The following MCF2L variants were observed in gnomAD, a reference collection of about 807,000 sequenced individuals.
MCF2L encodes guanine nucleotide exchange factor DBS.
In MCF2L, 97 loss-of-function variants were observed where a neutral mutation model predicts 153.4. That is an observed-to-expected ratio of 0.63 (90% CI 0.54 to 0.75). The LOEUF is 0.75. Ranked by LOEUF, MCF2L falls within the 30% of genes least tolerant of loss-of-function variation. The pLI, the probability that MCF2L is intolerant of heterozygous loss-of-function variation, is 0.00. For synonymous variants in MCF2L, 659 were observed against 632.2 expected (o/e 1.04, Z -0.64); for missense variants, 1,347 against 1,495.2 (o/e 0.90, Z 1.64).
chr13:113,094,425 G>T (rs2035475150), intron 26 of MCF2L, 89 bp from the exon 27 acceptor site: 1 of 1,394,222 alleles, frequency 7.2e-7, no homozygotes, highest in Non-Finnish European at 9.7e-7. Flanking sequence ...ATTTCAGGGG[G>T]TCTGTGGGAC....
At chr13:113,011,787 T>C (rs9549338) in intron 1 of MCF2L, among the ~76,000 whole-genome samples, 6,738 of 46,938 alleles carry the variant, frequency 0.14, 68 homozygotes, top group South Asian at 0.26. Flanking sequence ...CGGTGGACAC[T>C]GTGATGCGGA....
intron 1 of MCF2L, among the ~76,000 whole-genome samples, chr13:112,975,871 G>A (rs958212427): frequency 2.6e-5 from 4 of 152,148 alleles, no homozygotes; most frequent in East Asian, 1.9e-4. Context: ...CAGAGAGCTC[G>A]AGCCCGGGCT....
rs2033297193 is a variant in MCF2L at position 113,074,903 on chromosome 13, C to T, written c.1117-95C>T. On this transcript the variant is annotated intron_variant, in intron 10 of 29. Transcript: ENST00000535094. The surrounding 1 kb of genome is among the most constrained non-coding windows in gnomAD (Gnocchi z 4.2). ...AGCAGTAAACAAAGAAATCAAGACA[C>T]ACGTGTGCCCCGGGACACACATCCC... The T allele has an allele frequency of 9.0e-7, 1 of 1,113,862 alleles. No individual in the cohort carries two copies. The highest frequency in any genetic ancestry group is 1.5e-5 in the African/African-American group (1 of 64,640). The allele number at this position is 1,113,862 out of a possible 1,614,324, so 69.0% of individuals were successfully genotyped here. A position where few individuals can be genotyped will look rare whatever the true frequency, so the allele number is the denominator to read the frequency against.
chr13:112,966,333 G>C (rs1286036320), upstream of MCF2L, among the ~76,000 whole-genome samples: 1 of 152,218 alleles, frequency 6.6e-6, no homozygotes, highest in Non-Finnish European at 1.5e-5. This position sits in a 1 kb window ranked among gnomAD's most constrained non-coding sequence, Gnocchi z 4.1. Context: ...CTGGGGACTG[G>C]GGAGAGTTGG....
rs117853942 is a variant in MCF2L at position 113,096,537 on chromosome 13, T to C, written c.3189-13T>C. Reference sequence around the variant, plus strand: ...CCCCGCACGTGGCTGCCGCTGACCCTCGCCCCTTGCAGGTACGTCAGGGAC... The same window carrying C: ...CCCCGCACGTGGCTGCCGCTGACCCCCGCCCCTTGCAGGTACGTCAGGGAC... On this transcript the variant is annotated splice_polypyrimidine_tract_variant and intron_variant, in intron 28 of 29. Transcript: ENST00000535094. 4.8e-3 allele frequency: 7,646 copies of C among 1,597,324 alleles called. 114 individuals are homozygous for C. The highest frequency in any genetic ancestry group is 0.039 in the East Asian group (1,720 of 44,170).
intron 2 of MCF2L, among the ~76,000 whole-genome samples, chr13:112,936,500 G>A (rs558329667): frequency 6.6e-6 from 1 of 152,132 alleles, no homozygotes; most frequent in Non-Finnish European, 1.5e-5. Context: ...TCTAATGCTG[G>A]TTATTTGGGA....
chr13:113,078,419 C>T lies in MCF2L; in HGVS notation c.1717C>T (p.Pro573Ser). ...CGAGGGCGGTGCGCTCCGGAGAGGG[C>T]CCTACCGGAGGGCCAAGGTGAGGCT... Reference protein sequence around the residue: ...SSEGGALRRGPYRRAKSEMSE... With the variant: ...SSEGGALRRGSYRRAKSEMSE... Residue 573 changes from proline (P) to serine (S), a missense_variant, in exon 14 of 30, where the codon CCC becomes TCC. This residue lies in a region of MCF2L where 820 missense variants were observed against 921.2 expected (regional missense o/e 0.89). Transcript: ENST00000535094. The T allele has an allele frequency of 6.2e-7, 1 of 1,612,078 alleles. No individual in the cohort carries two copies. The highest frequency in any genetic ancestry group is 8.5e-7 in the Non-Finnish European group (1 of 1,179,494).
intron 15 of MCF2L, among the ~76,000 whole-genome samples, chr13:113,079,809 ATGT>A (rs879804581): frequency 0.65 from 24,420 of 37,692 alleles, 7,471 homozygotes; most frequent in Admixed American, 0.68. Context: ...AGGCAGAGGA[ATGT>A]CTGAATGGAG....
At chr13:112,958,750 C>A (rs1279443512) in intron 2 of MCF2L, among the ~76,000 whole-genome samples, 5 of 152,200 alleles carry the variant, frequency 3.3e-5, no homozygotes, top group Non-Finnish European at 7.3e-5. Flanking sequence ...CCTGGAATGC[C>A]CCCAGCCCTG....
At chr13:112,962,987 A>C (rs2081850879) in intron 2 of MCF2L, among the ~76,000 whole-genome samples, 2 of 152,132 alleles carry the variant, frequency 1.3e-5, no homozygotes, top group African/African-American at 2.4e-5. Context: ...TGAGCAGCTA[A>C]AAGGTGTTTG....
rs371430290 is a variant in MCF2L at position 113,014,791 on chromosome 13, G to A, written c.108G>A (p.Pro36=). ...TDEIMHQDIV[P]LCAADIQDQL... is the part of the protein sequence containing the mutation. Reference sequence around the variant, plus strand: ...AAATCATGCACCAGGACATCGTCCCGCTCTGTGCTGCCGACATCCAGGACC... The same window carrying A: ...AAATCATGCACCAGGACATCGTCCCACTCTGTGCTGCCGACATCCAGGACC... The change falls in exon 2 of 30, where the codon CCG becomes CCA. Residue 36 remains proline (P), a synonymous_variant. Coordinates refer to ENST00000535094, the MANE Select transcript of MCF2L (RefSeq NM_001112732.3). 22 of 1,613,888 alleles carry A rather than the reference G, an allele frequency of 1.4e-5. No homozygotes were observed. The highest frequency in any genetic ancestry group is 4.0e-5 in the African/African-American group (3 of 74,934).
chr13:113,096,130 C>T (rs1417220904), intron 27 of MCF2L: 2 of 585,204 alleles, frequency 3.4e-6, no homozygotes, highest in Non-Finnish European at 3.0e-6. Context: ...TGGAGACCAG[C>T]GTGAGGGGCT....
intron 1 of MCF2L, among the ~76,000 whole-genome samples, chr13:113,004,042 G>A (rs537255321): frequency 5.3e-5 from 8 of 152,314 alleles, no homozygotes; most frequent in African/African-American, 1.9e-4. Flanking sequence ...TATGACGACT[G>A]TTCTCATTCT....
rs574185155 is a variant in MCF2L at position 112,979,253 on chromosome 13, A to G, written c.79+9795A>G. Reference sequence around the variant, plus strand: ...CTGGAAGGTGTTTTTGGCTTGCTCCATAAGGCAAGGAGGTCCAGCCCACGC... The same window carrying G: ...CTGGAAGGTGTTTTTGGCTTGCTCCGTAAGGCAAGGAGGTCCAGCCCACGC... On this transcript the variant is annotated intron_variant, in intron 1 of 29. Coordinates refer to ENST00000535094, the MANE Select transcript of MCF2L (RefSeq NM_001112732.3). 3,082 of 983,682 alleles carry G rather than the reference A, an allele frequency of 3.1e-3. 8 individuals are homozygous for G. Among genetic ancestry groups the G allele is most frequent in the Non-Finnish European group, 3.5e-3 (2,872 of 817,950 alleles). The allele number at this position is 983,682 out of a possible 1,614,324, so 60.9% of individuals were successfully genotyped here. A position where few individuals can be genotyped will look rare whatever the true frequency, so the allele number is the denominator to read the frequency against.
At chr13:113,021,765 G>T (rs923240530) in intron 2 of MCF2L, among the ~76,000 whole-genome samples, 3 of 152,242 alleles carry the variant, frequency 2.0e-5, no homozygotes, top group African/African-American at 7.2e-5. Context: ...GGTACTGGGA[G>T]CTTTGGCGCC....
chr13:112,935,144 G>T (rs1009930563), intron 2 of MCF2L, among the ~76,000 whole-genome samples: 6 of 152,272 alleles, frequency 3.9e-5, no homozygotes, highest in Non-Finnish European at 8.8e-5. Context: ...TTAATTTTTT[G>T]ACATTATGAT....
chr13:113,070,370 G>A lies in MCF2L; in HGVS notation c.996+197G>A, dbSNP rs564592355. On this transcript the variant is annotated intron_variant, in intron 9 of 29. Transcript: ENST00000535094. The surrounding 1 kb of genome is among the most constrained non-coding windows in gnomAD (Gnocchi z 5.6). ...CTTGAAATGCACGATTGATGACTGC[G>A]TCATTGTATAGAAAGGTGATTGAAA... 50 of 435,656 alleles carry A rather than the reference G, an allele frequency of 1.1e-4. No individual in the cohort carries two copies. Among genetic ancestry groups the A allele is most frequent in the African/African-American group, 9.0e-4 (43 of 47,752 alleles). 27.0% of individuals were successfully genotyped at this position (435,656 alleles called of 1,614,324 possible). A position where few individuals can be genotyped will look rare whatever the true frequency, so the allele number is the denominator to read the frequency against.
intron 3 of MCF2L, among the ~76,000 whole-genome samples, chr13:113,038,321 A>C (rs1434647950): frequency 2.6e-5 from 4 of 151,956 alleles, no homozygotes; most frequent in African/African-American, 9.7e-5. Flanking sequence ...AAAAATTAGC[A>C]GGGTGTGGTG....
At chr13:112,947,874 C>T (rs540565549) in intron 2 of MCF2L, among the ~76,000 whole-genome samples, 113 of 152,342 alleles carry the variant, frequency 7.4e-4, no homozygotes, top group African/African-American at 2.5e-3. Context: ...CAAGTCTCTG[C>T]CTGGGCACCC....
Sources: gnomAD v4.1 joint callset for allele counts (sites outside exome capture counted in the v4.1 genomes callset) on GRCh38, gnomAD v4.1.1 for gene constraint, gnomAD v4.1.1 regional missense constraint, Gnocchi (gnomAD v3.1) non-coding constraint, MANE v1.5 for transcripts, NCBI Gene and HGNC (gene_info 2026-07-23, HGNC 2026-07-21) for gene names.